Variants in KCNAB1 observed in about 807,000 individuals in gnomAD.
KCNAB1 encodes potassium voltage-gated channel subfamily A regulatory beta subunit 1.
A neutral mutation model predicts 64.6 loss-of-function variants in KCNAB1; 35 were observed. The observed-to-expected ratio is 0.54, with a 90% CI of 0.41 to 0.72. The LOEUF (loss-of-function observed/expected upper bound fraction) is 0.72, where lower values mean the gene tolerates loss of function less well. Ranked by LOEUF, KCNAB1 falls within the 30% of genes least tolerant of loss-of-function variation. The pLI, the probability that KCNAB1 is intolerant of heterozygous loss-of-function variation, is 0.00. For synonymous variants in KCNAB1, 177 were observed against 183.8 expected (o/e 0.96, Z 0.30); for missense variants, 401 against 512.9 (o/e 0.78, Z 2.11).
At chr3:156,270,395 A>G (rs1718962871) in intron 1 of KCNAB1, among the ~76,000 whole-genome samples, 1 of 151,232 alleles carries the variant, frequency 6.6e-6, no homozygotes, top group South Asian at 2.1e-4. Context: ...CTTTTAGTGA[A>G]GGTGATTTTC....
At position 156,165,202 on chromosome 3, in the gene KCNAB1, C is replaced by A. The variant is rs1200167998; in HGVS notation, c.275+44316C>A. Among the ~76,000 whole-genome samples the A allele has an allele frequency of 2.2e-5, 3 of 135,298 alleles. No homozygotes were observed. In the South Asian group the frequency reaches 7.7e-4, roughly 35 times the overall value. The allele number at this position is 135,298 out of a possible 152,430, so 88.8% of individuals were successfully genotyped here. ...CTGAGGCAGGAGAATGGCGTGAACC[C>A]GGGAGGCGGAGCTTGCAGTGAGCCG... On this transcript the variant is annotated intron_variant, in intron 1 of 13. Coordinates refer to ENST00000490337, the MANE Select transcript of KCNAB1 (RefSeq NM_172160.3).
At chr3:156,222,675 T>C (rs1338672191) in intron 1 of KCNAB1, among the ~76,000 whole-genome samples, 5 of 152,362 alleles carry the variant, frequency 3.3e-5, no homozygotes, top group South Asian at 2.1e-4. Flanking sequence ...GATAATATGA[T>C]AGGCCACAAA....
chr3:156,233,081 A>G (rs2108437738), intron 1 of KCNAB1, among the ~76,000 whole-genome samples: 1 of 152,310 alleles, frequency 6.6e-6, no homozygotes, highest in South Asian at 2.1e-4. Flanking sequence ...ATAGTTCTGC[A>G]CTGAAATCTG....
chr3:156,492,702 A>C (rs1032433089), intron 8 of KCNAB1, among the ~76,000 whole-genome samples: 1 of 152,104 alleles, frequency 6.6e-6, no homozygotes, highest in Non-Finnish European at 1.5e-5. Context: ...CAAAATATGA[A>C]CTTAACCCAA....
chr3:156,168,783 C>G (rs1711770874), intron 1 of KCNAB1, among the ~76,000 whole-genome samples: 1 of 152,202 alleles, frequency 6.6e-6, no homozygotes, highest in Admixed American at 6.5e-5. Flanking sequence ...AACTTGATCT[C>G]TAATGTAGAC....
At position 156,345,794 on chromosome 3, in the gene KCNAB1, G is replaced by A. The variant is rs1171241553; in HGVS notation, c.276-75822G>A. Among the ~76,000 whole-genome samples the A allele has an allele frequency of 1.6e-4, 25 of 152,118 alleles. 1 individual carries two copies. The highest frequency in any genetic ancestry group is 1.6e-3 in the Admixed American group (24 of 15,272). Reference sequence around the variant, plus strand: ...TGCACTAGAAATGGAGGAGAAGAATGATCAATTCCAGCCTCTATATGAAAG... The same window carrying A: ...TGCACTAGAAATGGAGGAGAAGAATAATCAATTCCAGCCTCTATATGAAAG... On this transcript the variant is annotated intron_variant, in intron 1 of 13. Transcript: ENST00000490337.
intron 1 of KCNAB1, among the ~76,000 whole-genome samples, chr3:156,227,196 C>G (rs1716231256): frequency 6.6e-6 from 1 of 152,194 alleles, no homozygotes; most frequent in South Asian, 2.1e-4. Flanking sequence ...TAGGCCATTA[C>G]TCCACTGATC....
chr3:156,446,006 T>C (rs1007900469), intron 2 of KCNAB1: 1 of 152,192 alleles, frequency 6.6e-6, no homozygotes, highest in Admixed American at 6.5e-5. Context: ...AAAATTCTAA[T>C]GATGTAGCAA....
At chr3:156,518,110 G>GA (rs982625612) in intron 11 of KCNAB1, among the ~76,000 whole-genome samples, 1 of 151,908 alleles carries the variant, frequency 6.6e-6, no homozygotes, top group African/African-American at 2.4e-5. Context: ...AAAGGAAAAA[G>GA]AAAAAAAGAA....
chr3:156,194,605 G>C (rs1239168535), intron 1 of KCNAB1, among the ~76,000 whole-genome samples: 6 of 151,778 alleles, frequency 4.0e-5, no homozygotes, highest in Admixed American at 3.3e-4. Context: ...TGGATCCAAG[G>C]GTTTACAGTT....
At position 156,297,964 on chromosome 3, in the gene KCNAB1, T is replaced by C. The variant is rs528533903; in HGVS notation, c.276-123652T>C. 2.0e-5 allele frequency among the ~76,000 whole-genome samples: 3 copies of C among 152,322 alleles called. No individual in the cohort carries two copies. In the East Asian group the frequency reaches 5.8e-4, roughly 29 times the overall value. ...TTGAAATGCCAAGTTTCTTGGTTTA[T>C]TTTTGGGTTTTGTTATTGTTTTTTG... On this transcript the variant is annotated intron_variant, in intron 1 of 13. Transcript: ENST00000490337.
At chr3:156,309,943 C>T (rs1206701726) in intron 1 of KCNAB1, among the ~76,000 whole-genome samples, 5 of 152,184 alleles carry the variant, frequency 3.3e-5, no homozygotes, top group African/African-American at 4.8e-5. Flanking sequence ...TTCTATTGTT[C>T]AGGGAGTGAG....
intron 1 of KCNAB1, among the ~76,000 whole-genome samples, chr3:156,320,722 C>T (rs1180500869): frequency 2.0e-5 from 3 of 152,132 alleles, no homozygotes; most frequent in African/African-American, 4.8e-5. Flanking sequence ...TACAAAGACA[C>T]CTCCACAAGG....
chr3:156,300,401 G>A (rs539199688), intron 1 of KCNAB1, among the ~76,000 whole-genome samples: 3 of 152,166 alleles, frequency 2.0e-5, no homozygotes, highest in Admixed American at 2.0e-4. Context: ...GATACCAGCA[G>A]TTTTCTCCTA....
At chr3:156,415,830 G>T (rs1715024410) in intron 1 of KCNAB1, among the ~76,000 whole-genome samples, 1 of 151,910 alleles carries the variant, frequency 6.6e-6, no homozygotes, top group African/African-American at 2.4e-5. Flanking sequence ...CTGTTACCCT[G>T]GACACTCAGA....
chr3:156,233,227 T>C lies in KCNAB1; in HGVS notation c.275+112341T>C, dbSNP rs1253706052. ...ATCATTGTCATTATAACAATTTAAA[T>C]ATGTAACATATTAGATACTGGTAAG... On this transcript the variant is annotated intron_variant, in intron 1 of 13. Coordinates refer to ENST00000490337, the MANE Select transcript of KCNAB1 (RefSeq NM_172160.3). Among the ~76,000 whole-genome samples, 4 of 152,098 alleles carry C rather than the reference T, an allele frequency of 2.6e-5. No homozygotes were observed. In the South Asian group the frequency reaches 6.2e-4, roughly 24 times the overall value.
chr3:156,127,442 A>G lies in KCNAB1; in HGVS notation c.275+6556A>G, dbSNP rs186829097. On this transcript the variant is annotated intron_variant, in intron 1 of 13. Transcript: ENST00000490337. ...GATATTGGAATATGAGGACATTTTTATGTAGTTTACTGTGATTTTAGTTAT... is the reference window on the plus strand; with the variant it reads ...GATATTGGAATATGAGGACATTTTTGTGTAGTTTACTGTGATTTTAGTTAT... Among the ~76,000 whole-genome samples, 201 of 152,300 alleles carry G rather than the reference A, an allele frequency of 1.3e-3. 1 individual carries two copies. Among genetic ancestry groups the G allele is most frequent in the Non-Finnish European group, 2.4e-3 (162 of 68,018 alleles).
chr3:156,351,925 A>G (rs1482082838), intron 1 of KCNAB1, among the ~76,000 whole-genome samples: 2 of 152,258 alleles, frequency 1.3e-5, no homozygotes, highest in Non-Finnish European at 2.9e-5. Flanking sequence ...TCATCCATGC[A>G]GGTCCATGCC....
chr3:156,527,528 A>G (rs542068801), intron 12 of KCNAB1, among the ~76,000 whole-genome samples: 6 of 152,232 alleles, frequency 3.9e-5, no homozygotes, highest in Non-Finnish European at 7.3e-5. Flanking sequence ...GCCCTGAAAG[A>G]CAGGAAAGAA....
Sources: gnomAD v4.1 joint callset for allele counts (sites outside exome capture counted in the v4.1 genomes callset) on GRCh38, gnomAD v4.1.1 for gene constraint, MANE v1.5 for transcripts, NCBI Gene and HGNC (gene_info 2026-07-23, HGNC 2026-07-21) for gene names.